Variants in CFAP61 observed in about 807,000 individuals in gnomAD.
The protein encoded by CFAP61 is cilia- and flagella-associated protein 61.
In CFAP61, 107 loss-of-function variants were observed where a neutral mutation model predicts 135.6. The observed-to-expected ratio is 0.79, with a 90% CI of 0.67 to 0.93. The LOEUF (loss-of-function observed/expected upper bound fraction) is 0.93, where lower values mean the gene tolerates loss of function less well. Ranked by LOEUF, CFAP61 falls within the 40% of genes least tolerant of loss-of-function variation. CFAP61 has a pLI of 0.00. For synonymous variants in CFAP61, 575 were observed against 578.5 expected, an observed-to-expected ratio of 0.99 and a Z score of 0.09; for missense variants, 1,507 against 1,556.2, an observed-to-expected ratio of 0.97 and a Z score of 0.53.
intron 18 of CFAP61, among the ~76,000 whole-genome samples, chr20:20,245,293 G>T (rs1243280824): frequency 6.6e-6 from 1 of 152,164 alleles, no homozygotes; most frequent in East Asian, 1.9e-4. Flanking sequence ...CCAAGACTGG[G>T]CAATTTACAA....
At chr20:20,187,577 C>T (rs1407206031) in intron 13 of CFAP61, among the ~76,000 whole-genome samples, 1 of 152,170 alleles carries the variant, frequency 6.6e-6, no homozygotes, top group African/African-American at 2.4e-5. Context: ...GAAGCCAGCC[C>T]TGGTGCAATG....
intron 8 of CFAP61, among the ~76,000 whole-genome samples, chr20:20,123,844 T>A (rs1416307672): frequency 6.6e-6 from 1 of 151,796 alleles, no homozygotes; most frequent in Non-Finnish European, 1.5e-5. Flanking sequence ...TTCACAAATA[T>A]TGATTCTACC....
intron 13 of CFAP61, among the ~76,000 whole-genome samples, chr20:20,183,004 C>G (rs1309951507): frequency 6.6e-6 from 1 of 152,228 alleles, no homozygotes; most frequent in Admixed American, 6.5e-5. Flanking sequence ...TTCCCCACAT[C>G]TCATTCTAGT....
At chr20:20,227,027 C>T (rs1046438716) in intron 17 of CFAP61, among the ~76,000 whole-genome samples, 10 of 152,214 alleles carry the variant, frequency 6.6e-5, no homozygotes, top group African/African-American at 2.4e-4. Flanking sequence ...CATTTTCCTT[C>T]CTCCATGTTG....
At chr20:20,207,346 T>C (rs919628287) in intron 17 of CFAP61, among the ~76,000 whole-genome samples, 9 of 152,218 alleles carry the variant, frequency 5.9e-5, no homozygotes, top group African/African-American at 2.2e-4. Context: ...AAGGATTTCC[T>C]GGATGCTGAT....
chr20:20,331,898 G>A (rs1463664088), intron 25 of CFAP61, among the ~76,000 whole-genome samples: 3 of 152,202 alleles, frequency 2.0e-5, no homozygotes, highest in African/African-American at 4.8e-5. Flanking sequence ...GAAGAGAGAA[G>A]CAGAATGAGA....
chr20:20,287,169 C>T (rs921082529), intron 22 of CFAP61, among the ~76,000 whole-genome samples: 1 of 151,646 alleles, frequency 6.6e-6, no homozygotes, highest in Non-Finnish European at 1.5e-5. Flanking sequence ...CCTGTGGCCA[C>T]TGGGTAAGAG....
At chr20:20,294,791 G>C (rs879668359) in intron 24 of CFAP61, among the ~76,000 whole-genome samples, 2 of 151,168 alleles carry the variant, frequency 1.3e-5, no homozygotes, top group Non-Finnish European at 3.0e-5. Context: ...AGCCGGGCGC[G>C]GTGGCTGGCG....
intron 25 of CFAP61, among the ~76,000 whole-genome samples, chr20:20,312,899 C>G (rs2056913384): frequency 6.6e-6 from 1 of 152,174 alleles, no homozygotes; most frequent in South Asian, 2.1e-4. Flanking sequence ...ATTACATACA[C>G]CATCCTACCC....
At chr20:20,358,224 G>T in intron 26 of CFAP61, among the ~76,000 whole-genome samples, 1 of 146,742 alleles carries the variant, frequency 6.8e-6, no homozygotes, top group Non-Finnish European at 1.5e-5. Context: ...AGGGGAGGTG[G>T]TCACACTGAG....
At chr20:20,357,020 G>A (rs562515012) in intron 26 of CFAP61, among the ~76,000 whole-genome samples, 1 of 133,976 alleles carries the variant, frequency 7.5e-6, no homozygotes, top group Admixed American at 7.1e-5. Flanking sequence ...CACACTGTGA[G>A]GGGAGGTGGT....
At chr20:20,165,453 A>G (rs930869853) in intron 11 of CFAP61, among the ~76,000 whole-genome samples, 1 of 152,168 alleles carries the variant, frequency 6.6e-6, no homozygotes, top group Non-Finnish European at 1.5e-5. Flanking sequence ...AAGAGGAGGC[A>G]TGCATGGTGC....
At chr20:20,053,263 T>A (rs1045289765) in intron 1 of CFAP61, among the ~76,000 whole-genome samples, 2 of 152,160 alleles carry the variant, frequency 1.3e-5, no homozygotes, top group African/African-American at 4.8e-5. Flanking sequence ...TTAGAGAAGT[T>A]TTAGGTTCAC....
In CFAP61 at chr20:20,154,125, A is replaced by T. The variant is rs6112793; in HGVS notation, c.952-5245A>T. Among the ~76,000 whole-genome samples the T allele has an allele frequency of 2.8e-3, 430 of 152,256 alleles. 2 individuals carry two copies. Among genetic ancestry groups the T allele is most frequent in the African/African-American group, 9.4e-3 (391 of 41,564 alleles). Reference sequence around the variant, plus strand: ...AAAAATCATATTATCATCTCAAAAGACACAGAGAAAGCATTTGATAAAATC... The same window carrying T: ...AAAAATCATATTATCATCTCAAAAGTCACAGAGAAAGCATTTGATAAAATC... On this transcript the variant is annotated intron_variant, in intron 9 of 26. Coordinates refer to ENST00000245957, the MANE Select transcript of CFAP61 (RefSeq NM_015585.4).
chr20:20,265,510 A>T (rs1364111471), intron 21 of CFAP61: 1 of 779,428 alleles, frequency 1.3e-6, no homozygotes, highest in African/African-American at 1.7e-5. Flanking sequence ...TTTTTTCAAG[A>T]TTTAAGACTG....
intron 18 of CFAP61, among the ~76,000 whole-genome samples, chr20:20,237,614 G>A (rs564219100): frequency 5.3e-5 from 8 of 152,288 alleles, no homozygotes; most frequent in East Asian, 3.9e-4. Context: ...TGCAGCTGCC[G>A]TTTAATTTTT....
intron 25 of CFAP61, among the ~76,000 whole-genome samples, chr20:20,318,462 C>T (rs775662149): frequency 6.6e-6 from 1 of 152,204 alleles, no homozygotes; most frequent in South Asian, 2.1e-4. Flanking sequence ...CTGAAACCAG[C>T]GGACACTGGG....
chr20:20,073,604 T>C (rs528501048), intron 3 of CFAP61, among the ~76,000 whole-genome samples: 52 of 152,200 alleles, frequency 3.4e-4, no homozygotes, highest in Non-Finnish European at 6.8e-4. Context: ...GGGTACCGAG[T>C]TGAGTGGACC....
chr20:20,121,103 CTTTT>C (rs869290856), intron 8 of CFAP61, among the ~76,000 whole-genome samples: 1 of 113,606 alleles, frequency 8.8e-6, no homozygotes, highest in Non-Finnish European at 1.8e-5. Flanking sequence ...TTTATTTTTA[CTTTT>C]TTTTTTTTTT....
Sources: allele counts gnomAD v4.1 joint callset (sites outside exome capture counted in the v4.1 genomes callset), GRCh38; gene constraint gnomAD v4.1.1; transcripts MANE v1.5; gene names NCBI Gene and HGNC (gene_info 2026-07-23, HGNC 2026-07-21).